The following NREP variants were observed in gnomAD, a reference collection of about 807,000 sequenced individuals.
NREP encodes neuronal regeneration-related protein.
In NREP, 5 loss-of-function variants were observed where a neutral mutation model predicts 8.6. The ratio of observed to expected loss-of-function variants is 0.58; its 90% CI spans 0.30 to 1.22. NREP has a LOEUF of 1.22. Ranked by LOEUF, NREP falls within the 50% of genes most tolerant of loss-of-function variation. The probability of loss-of-function intolerance (pLI) is 0.07; values close to 1 mark genes in which losing one functional copy is unlikely to be tolerated. For missense variants in NREP, 86 were observed against 82.5 expected (o/e 1.04, Z -0.17); for synonymous variants, 27 against 28.0 (o/e 0.96, Z 0.11).
chr5:111,864,206 C>A (rs771143687), intron 2 of NREP, among the ~76,000 whole-genome samples: 23 of 152,078 alleles, frequency 1.5e-4, no homozygotes, highest in Non-Finnish European at 3.4e-4. Context: ...AACTAAACAT[C>A]CATTACTGGG....
intron 2 of NREP, among the ~76,000 whole-genome samples, chr5:111,909,629 C>T (rs1754861441): frequency 6.6e-6 from 1 of 152,044 alleles, no homozygotes; most frequent in Non-Finnish European, 1.5e-5. Flanking sequence ...AAAGAGAGAA[C>T]AGATACTTGA....
chr5:111,840,407 T>C (rs1369933847), intron 2 of NREP, among the ~76,000 whole-genome samples: 1 of 152,136 alleles, frequency 6.6e-6, no homozygotes, highest in Non-Finnish European at 1.5e-5. Context: ...ATAGCCATTA[T>C]GCGACCAGGA....
chr5:111,770,554 CTTT>C (rs34538408), intron 2 of NREP, among the ~76,000 whole-genome samples: 254 of 73,454 alleles, frequency 3.5e-3, no homozygotes, highest in African/African-American at 0.012. Flanking sequence ...GAATTATTTC[CTTT>C]TTTTTTTTTT....
intron 2 of NREP, among the ~76,000 whole-genome samples, chr5:111,928,579 G>A (rs1484423694): frequency 1.3e-5 from 2 of 152,090 alleles, no homozygotes; most frequent in Non-Finnish European, 2.9e-5. Flanking sequence ...ATAATGTGTT[G>A]CCCCCTCTAA....
chr5:111,945,990 T>C (rs1194160072), intron 2 of NREP, among the ~76,000 whole-genome samples: 2 of 151,280 alleles, frequency 1.3e-5, no homozygotes, highest in African/African-American at 4.9e-5. Context: ...ACATTGCCAT[T>C]CCCAAAGCTA....
intron 2 of NREP, among the ~76,000 whole-genome samples, chr5:111,806,148 G>T (rs1329740802): frequency 6.6e-6 from 1 of 152,142 alleles, no homozygotes; most frequent in Non-Finnish European, 1.5e-5. Flanking sequence ...CTAGGGGTTA[G>T]GCTTAGAAGA....
chr5:111,833,448 T>C lies in NREP; in HGVS notation c.136-97941A>G, dbSNP rs553031441. On this transcript the variant is annotated intron_variant, in intron 2 of 3. Transcript: ENST00000395634. Reference sequence around the variant, plus strand: ...CAGAATCATTCTAGACTTTTCTCCTTGCAGACCGAGGTAAAATCTGTTCAT... The same window carrying C: ...CAGAATCATTCTAGACTTTTCTCCTCGCAGACCGAGGTAAAATCTGTTCAT... 3.9e-5 allele frequency among the ~76,000 whole-genome samples: 6 copies of C among 152,340 alleles called. No individual in the cohort carries two copies. In the South Asian group the frequency reaches 1.0e-3, roughly 26 times the overall value.
At chr5:111,828,423 G>A (rs1346104835) in intron 2 of NREP, among the ~76,000 whole-genome samples, 2 of 152,068 alleles carry the variant, frequency 1.3e-5, no homozygotes, top group African/African-American at 4.8e-5. Flanking sequence ...TTGGGACCAA[G>A]TAAGAGTATT....
chr5:111,961,652 C>T (rs1230576718), intron 2 of NREP, among the ~76,000 whole-genome samples: 2 of 152,152 alleles, frequency 1.3e-5, no homozygotes. Context: ...TTATGGATTT[C>T]AAGTGACCCT....
At chr5:111,864,539 G>C (rs977549789) in intron 2 of NREP, among the ~76,000 whole-genome samples, 2 of 152,070 alleles carry the variant, frequency 1.3e-5, no homozygotes, top group Admixed American at 6.6e-5. Flanking sequence ...CAGATAGACA[G>C]TATATCTGTA....
chr5:111,976,464 A>C (rs1283716777), intron 1 of NREP, among the ~76,000 whole-genome samples: 2 of 152,226 alleles, frequency 1.3e-5, no homozygotes, highest in Non-Finnish European at 2.9e-5. Flanking sequence ...CCTCTGACTC[A>C]TGTGGCACTG....
chr5:111,842,202 C>T (rs1444524488), intron 2 of NREP, among the ~76,000 whole-genome samples: 3 of 152,138 alleles, frequency 2.0e-5, no homozygotes, highest in Non-Finnish European at 2.9e-5. Context: ...GATATCTCCA[C>T]TCTCCAAACT....
At chr5:111,878,960 T>C (rs1279521722) in intron 2 of NREP, among the ~76,000 whole-genome samples, 2 of 152,222 alleles carry the variant, frequency 1.3e-5, no homozygotes, top group African/African-American at 2.4e-5. Context: ...TTTGGATGTT[T>C]TGTCCCCTCC....
intron 2 of NREP, among the ~76,000 whole-genome samples, chr5:111,769,625 G>A (rs946255380): frequency 6.6e-6 from 1 of 152,162 alleles, no homozygotes; most frequent in Non-Finnish European, 1.5e-5. Flanking sequence ...GGTTTAATTG[G>A]CAAACAGTTC....
chr5:111,869,965 T>A (rs1466882670), intron 2 of NREP, among the ~76,000 whole-genome samples: 1 of 151,802 alleles, frequency 6.6e-6, no homozygotes, highest in Non-Finnish European at 1.5e-5. Context: ...GTGACTTACT[T>A]TAAAGAACTT....
At chr5:111,889,692 C>T (rs1306926767) in intron 2 of NREP, among the ~76,000 whole-genome samples, 2 of 152,162 alleles carry the variant, frequency 1.3e-5, no homozygotes, top group African/African-American at 2.4e-5. Flanking sequence ...GGTACTGTCA[C>T]ATGCGTCCGT....
intron 2 of NREP, among the ~76,000 whole-genome samples, chr5:111,912,127 T>C (rs1754929391): frequency 6.6e-6 from 1 of 152,136 alleles, no homozygotes; most frequent in African/African-American, 2.4e-5. Flanking sequence ...GAGCATTCCT[T>C]GAACTTTTGT....
intron 2 of NREP, among the ~76,000 whole-genome samples, chr5:111,766,463 G>A (rs529109542): frequency 6.6e-6 from 1 of 152,314 alleles, no homozygotes; most frequent in African/African-American, 2.4e-5. Context: ...GGTAATGAAA[G>A]GCTTCTGCTA....
intron 2 of NREP, among the ~76,000 whole-genome samples, chr5:111,826,854 T>A (rs547207574): frequency 6.6e-6 from 1 of 152,292 alleles, no homozygotes; most frequent in African/African-American, 2.4e-5. Flanking sequence ...ATTTTGAGCT[T>A]TTCCCCCATT....
Sources: allele counts gnomAD v4.1 joint callset (sites outside exome capture counted in the v4.1 genomes callset), GRCh38; gene constraint gnomAD v4.1.1; transcripts MANE v1.5; gene names NCBI Gene and HGNC (gene_info 2026-07-23, HGNC 2026-07-21).